SUFU: variants seen among roughly 807,000 people sequenced by gnomAD.
SUFU encodes the protein SUFU negative regulator of hedgehog signaling, also known as suppressor of fused homolog.
In SUFU, 7 loss-of-function variants were observed where a neutral mutation model predicts 58.9. The observed-to-expected ratio is 0.12, with a 90% CI of 0.07 to 0.22. SUFU has a LOEUF of 0.22. Ranked by LOEUF, SUFU falls within the 10% of genes least tolerant of loss-of-function variation. The pLI is 1.00. For synonymous variants in SUFU, 232 were observed against 254.8 expected, an observed-to-expected ratio of 0.91 and a Z score of 0.85; for missense variants, 451 against 641.3, an observed-to-expected ratio of 0.70 and a Z score of 3.20.
chr10:102,515,971 C>T (rs1018378792), intron 2 of SUFU, among the ~76,000 whole-genome samples: 20 of 152,244 alleles, frequency 1.3e-4, no homozygotes, highest in African/African-American at 3.8e-4. Context: ...TCCTTTGTCA[C>T]GGCCCAGTGT....
intron 8 of SUFU, among the ~76,000 whole-genome samples, chr10:102,600,885 C>T (rs1337145614): frequency 6.6e-6 from 1 of 152,198 alleles, no homozygotes; most frequent in Non-Finnish European, 1.5e-5. Context: ...TTTCTCCAGC[C>T]AGCTGCCCTG....
chr10:102,527,498 G>GATATAT (rs60387903), intron 2 of SUFU, among the ~76,000 whole-genome samples: 30,499 of 148,046 alleles, frequency 0.21, 3,411 homozygotes, highest in Middle Eastern at 0.27. Flanking sequence ...ATACCATTAA[G>GATATAT]ATATATATAT....
At chr10:102,570,215 T>C (rs1184786435) in intron 3 of SUFU, among the ~76,000 whole-genome samples, 1 of 144,434 alleles carries the variant, frequency 6.9e-6, no homozygotes, top group Non-Finnish European at 1.5e-5. Context: ...GGAATCTAGA[T>C]TGCCGAACCG....
intron 6 of SUFU, among the ~76,000 whole-genome samples, chr10:102,594,877 C>T (rs746268869): frequency 3.7e-4 from 56 of 152,260 alleles, no homozygotes; most frequent in Non-Finnish European, 3.8e-4. Context: ...CACCACCACG[C>T]CCAGATAATT....
At chr10:102,516,954 C>T (rs1340030393) in intron 2 of SUFU, among the ~76,000 whole-genome samples, 3 of 150,510 alleles carry the variant, frequency 2.0e-5, no homozygotes, top group Non-Finnish European at 4.4e-5. Flanking sequence ...TGAAACCTGT[C>T]TCTACTAAAA....
chr10:102,524,865 T>G (rs2062592240), intron 2 of SUFU, among the ~76,000 whole-genome samples: 1 of 152,224 alleles, frequency 6.6e-6, no homozygotes, highest in Admixed American at 6.5e-5. Flanking sequence ...TGGAGGAAGC[T>G]CTTGCTTTGG....
chr10:102,597,410 C>A (rs2135882968), intron 7 of SUFU, 117 bp downstream of exon 7: 1 of 1,338,178 alleles, frequency 7.5e-7, no homozygotes. Context: ...TAGTTTATTT[C>A]CTGGCATGAT....
chr10:102,599,645 T>G (rs2063497689), intron 8 of SUFU, 101 bp downstream of exon 8: 2 of 1,015,220 alleles, frequency 2.0e-6, no homozygotes, highest in African/African-American at 3.2e-5. Flanking sequence ...ACATAGCCCT[T>G]GCTGGATGGG....
chr10:102,606,800 C>T (rs2063566235), intron 8 of SUFU, among the ~76,000 whole-genome samples: 1 of 152,104 alleles, frequency 6.6e-6, no homozygotes, highest in African/African-American at 2.4e-5. Flanking sequence ...CTAGAGGATA[C>T]ACTCCATCCA....
intron 2 of SUFU, among the ~76,000 whole-genome samples, chr10:102,529,192 T>A (rs1205390122): frequency 1.3e-5 from 2 of 152,196 alleles, no homozygotes; most frequent in African/African-American, 2.4e-5. Flanking sequence ...TATCAGTAAT[T>A]TTGAATTATA....
chr10:102,520,374 C>T (rs574215554), intron 2 of SUFU, among the ~76,000 whole-genome samples: 6 of 151,884 alleles, frequency 4.0e-5, no homozygotes, highest in Non-Finnish European at 5.9e-5. Flanking sequence ...CCCGCCACCA[C>T]GCCCGGCTAA....
At chr10:102,550,202 C>T in intron 3 of SUFU, 96 bp downstream of exon 3, 1 of 1,559,232 alleles carries the variant, frequency 6.4e-7, no homozygotes, top group Non-Finnish European at 8.7e-7. Flanking sequence ...TGTGGAGTGG[C>T]CTTTCCTGGG....
At chr10:102,536,563 C>T (rs1050096199) in intron 2 of SUFU, among the ~76,000 whole-genome samples, 2 of 150,892 alleles carry the variant, frequency 1.3e-5, no homozygotes, top group Non-Finnish European at 3.0e-5. Flanking sequence ...AGGGTTTCAC[C>T]ATGTTGGCCA....
intron 8 of SUFU, among the ~76,000 whole-genome samples, chr10:102,614,551 C>T (rs1387480821): frequency 7.0e-6 from 1 of 142,784 alleles, no homozygotes; most frequent in Non-Finnish European, 1.5e-5. Flanking sequence ...CGGCGAGATG[C>T]TATCTCAAAA....
rs563855747 is a variant in SUFU, at chr10:102,529,397, A to G, written c.317+20094A>G. Among the ~76,000 whole-genome samples the G allele has an allele frequency of 2.4e-4, 36 of 152,336 alleles. 1 individual carries two copies. Among genetic ancestry groups the G allele is most frequent in the South Asian group, 1.9e-3 (9 of 4,830 alleles). On this transcript the variant is annotated intron_variant, in intron 2 of 11. Coordinates refer to ENST00000369902, the MANE Select transcript of SUFU (RefSeq NM_016169.4). Reference sequence around the variant, plus strand: ...CTGGGCTGATTAAGATCCAGAGCCCAGAAGTTAGGGAAGCTGGAGGCATCT... The same window carrying G: ...CTGGGCTGATTAAGATCCAGAGCCCGGAAGTTAGGGAAGCTGGAGGCATCT...
rs181511895 is a variant in SUFU at position 102,518,515 on chromosome 10, G to A, written c.317+9212G>A. On this transcript the variant is annotated intron_variant, in intron 2 of 11. Transcript: ENST00000369902. The stretch of plus-strand genomic sequence containing the variant: ...AAGCTATCTATCTAACTGTCTGTCT[G>A]TCTGTCTATCTATCTATCTATCTAT... 5.1e-4 allele frequency among the ~76,000 whole-genome samples: 58 copies of A among 114,224 alleles called. 1 individual carries two copies. In the South Asian group the frequency reaches 0.01, roughly 20 times the overall value. 74.9% of individuals were successfully genotyped at this position (114,224 alleles called of 152,430 possible). A position where few individuals can be genotyped will look rare whatever the true frequency, so the allele number is the denominator to read the frequency against.
At chr10:102,569,707 A>T (rs1313067631) in intron 3 of SUFU, among the ~76,000 whole-genome samples, 1 of 152,166 alleles carries the variant, frequency 6.6e-6, no homozygotes, top group Non-Finnish European at 1.5e-5. Context: ...GCTGTTCTTT[A>T]TACAGATACT....
At chr10:102,503,044 G>T (rs2062270918), upstream of SUFU, among the ~76,000 whole-genome samples, 1 of 152,136 alleles carries the variant, frequency 6.6e-6, no homozygotes, top group South Asian at 2.1e-4. Context: ...CGTAATTCAT[G>T]GATGTTTGGA....
chr10:102,627,160 C>G lies in SUFU; in HGVS notation c.1297-15C>G, dbSNP rs751479004. On this transcript the variant is annotated splice_polypyrimidine_tract_variant and intron_variant, in intron 10 of 11. Coordinates refer to ENST00000369902, the MANE Select transcript of SUFU (RefSeq NM_016169.4). Reference sequence around the variant, plus strand: ...TTTAAAAATAATAATAAAAGCCTGCCTTGTGCCTTCACAGATTCTGTTGAC... The same window carrying G: ...TTTAAAAATAATAATAAAAGCCTGCGTTGTGCCTTCACAGATTCTGTTGAC... 1.2e-6 allele frequency: 2 copies of G among 1,613,860 alleles called. No homozygotes were observed. Among genetic ancestry groups the G allele is most frequent in the South Asian group, 2.2e-5 (2 of 91,078 alleles).
Sources: allele counts gnomAD v4.1 joint callset (sites outside exome capture counted in the v4.1 genomes callset), GRCh38; gene constraint gnomAD v4.1.1; transcripts MANE v1.5; gene names NCBI Gene and HGNC (gene_info 2026-07-23, HGNC 2026-07-21).